The following MYO1E variants were observed in gnomAD, a reference collection of about 807,000 sequenced individuals.
The protein encoded by MYO1E is myosin IE.
MYO1E carries 68 observed loss-of-function variants against 151.1 expected under a neutral mutation model. The ratio of observed to expected loss-of-function variants is 0.45; its 90% confidence interval spans 0.37 to 0.55. The LOEUF is 0.55. MYO1E is among the 20% of genes least tolerant of loss of function. The pLI is 0.00. For synonymous variants in MYO1E, 601 were observed against 501.7 expected (o/e 1.20, Z -2.64); for missense variants, 1,363 against 1,389.3 (o/e 0.98, Z 0.30).
At chr15:59,187,684 T>C (rs2079706855) in intron 18 of MYO1E, among the ~76,000 whole-genome samples, 1 of 152,208 alleles carries the variant, frequency 6.6e-6, no homozygotes. Context: ...CAACTGACGT[T>C]TATCAACTGA....
chr15:59,259,140 C>T (rs114050614), intron 3 of MYO1E, among the ~76,000 whole-genome samples: 1,674 of 152,130 alleles, frequency 0.011, 35 homozygotes, highest in African/African-American at 0.038. Flanking sequence ...GAGACACTGA[C>T]CAAAACTTTA....
intron 1 of MYO1E, among the ~76,000 whole-genome samples, chr15:59,363,909 G>A (rs1236158432): frequency 6.6e-6 from 1 of 152,080 alleles, no homozygotes; most frequent in East Asian, 1.9e-4. Context: ...CGAGTAGCTG[G>A]GATTACAGGT....
intron 17 of MYO1E, among the ~76,000 whole-genome samples, chr15:59,194,161 G>A (rs1015957167): frequency 2.0e-5 from 3 of 150,570 alleles, no homozygotes; most frequent in African/African-American, 4.9e-5. Flanking sequence ...GTGACAGAGC[G>A]AGACTCTTGT....
chr15:59,267,568 G>A (rs1222512257), intron 2 of MYO1E, among the ~76,000 whole-genome samples: 2 of 152,302 alleles, frequency 1.3e-5, no homozygotes, highest in African/African-American at 2.4e-5. Context: ...GAACAACTAC[G>A]CTGCTTTGAA....
chr15:59,259,558 AAAC>A (rs1460184117), intron 3 of MYO1E, among the ~76,000 whole-genome samples: 10 of 152,330 alleles, frequency 6.6e-5, no homozygotes, highest in South Asian at 4.2e-4. Context: ...TCAAGTGCAC[AAAC>A]AACATTAATG....
At chr15:59,185,654 C>T (rs1340989848) in intron 18 of MYO1E, among the ~76,000 whole-genome samples, 4 of 152,232 alleles carry the variant, frequency 2.6e-5, no homozygotes, top group African/African-American at 9.6e-5. Flanking sequence ...GGCAGGAGGA[C>T]TGCTTAAGCC....
chr15:59,307,438 G>A (rs2080521290), intron 1 of MYO1E, among the ~76,000 whole-genome samples: 1 of 152,180 alleles, frequency 6.6e-6, no homozygotes, highest in African/African-American at 2.4e-5. Flanking sequence ...GAAAGGGACA[G>A]AGCAAGAACC....
chr15:59,137,298 T>C lies in MYO1E; in HGVS notation c.*82A>G. The C allele has an allele frequency of 8.0e-7, 1 of 1,245,456 alleles. No homozygotes were observed. The highest frequency in any genetic ancestry group is 2.3e-5 in the East Asian group (1 of 43,080). 77.2% of individuals were successfully genotyped at this position (1,245,456 alleles called of 1,614,324 possible). On this transcript the variant is annotated 3_prime_UTR_variant, in exon 28 of 28. Coordinates refer to ENST00000288235, the MANE Select transcript of MYO1E (RefSeq NM_004998.4). The stretch of plus-strand genomic sequence containing the variant: ...TGGAGAAGCAATTGCTCATTGTGGA[T>C]TGTAAGGGGAGCCCCTAAATATCCC...
chr15:59,166,158 C>T (rs1354023408), intron 22 of MYO1E, among the ~76,000 whole-genome samples: 2 of 152,236 alleles, frequency 1.3e-5, no homozygotes, highest in African/African-American at 4.8e-5. Context: ...CCAAAATCCC[C>T]TCCCTTCAAT....
At chr15:59,284,508 G>C (rs1286923158) in intron 1 of MYO1E, among the ~76,000 whole-genome samples, 9 of 151,580 alleles carry the variant, frequency 5.9e-5, no homozygotes, top group Non-Finnish European at 1.2e-4. Flanking sequence ...GGAGTGCTGT[G>C]GCGCAAACAT....
In MYO1E at chr15:59,309,360, AAAC is replaced by A. The variant is rs765092618; in HGVS notation, c.4-36914_4-36912del. Among the ~76,000 whole-genome samples the A allele has an allele frequency of 6.8e-4, 104 of 152,200 alleles. 1 individual carries two copies. Among genetic ancestry groups the A allele is most frequent in the Admixed American group, 3.9e-4 (6 of 15,282 alleles). ...ACTACAACCCCCAAAAAAGCAACTA[AAAC>A]AACAACAACAACAAACAGGACTTGA... On this transcript the variant is annotated intron_variant, in intron 1 of 27. Coordinates refer to ENST00000288235, the MANE Select transcript of MYO1E (RefSeq NM_004998.4).
At chr15:59,366,202 C>T (rs1240832063) in intron 1 of MYO1E, among the ~76,000 whole-genome samples, 2 of 152,184 alleles carry the variant, frequency 1.3e-5, no homozygotes, top group African/African-American at 4.8e-5. Flanking sequence ...TGGTCTCAAA[C>T]TCCTGACCTC....
chr15:59,192,224 C>A (rs867991900), intron 17 of MYO1E, among the ~76,000 whole-genome samples: 1 of 151,502 alleles, frequency 6.6e-6, no homozygotes, highest in East Asian at 1.9e-4. Flanking sequence ...CCAACTAATA[C>A]CTTGAACTTC....
chr15:59,191,350 G>C (rs927205402), intron 17 of MYO1E, among the ~76,000 whole-genome samples: 1 of 149,338 alleles, frequency 6.7e-6, no homozygotes, highest in Non-Finnish European at 1.5e-5. Context: ...GAGAGAGAGA[G>C]AGAGAGAGAG....
intron 1 of MYO1E, among the ~76,000 whole-genome samples, chr15:59,275,412 C>T (rs767944876): frequency 6.6e-6 from 1 of 151,904 alleles, no homozygotes; most frequent in Non-Finnish European, 1.5e-5. Flanking sequence ...TCTCTTCCGC[C>T]CTCCCTCCCT....
chr15:59,203,979 T>C lies in MYO1E; in HGVS notation c.1616+1421A>G, dbSNP rs554776095. Among the ~76,000 whole-genome samples the C allele has an allele frequency of 2.0e-5, 3 of 152,334 alleles. No individual in the cohort carries two copies. In the East Asian group the frequency reaches 5.8e-4, roughly 29 times the overall value. Reference sequence around the variant, plus strand: ...ACTTGACCAGATACAACTACAGATTTTGACATCAAGTGTGTTTACAAAATA... The same window carrying C: ...ACTTGACCAGATACAACTACAGATTCTGACATCAAGTGTGTTTACAAAATA... On this transcript the variant is annotated intron_variant, in intron 15 of 27. Transcript: ENST00000288235.
Position 59,201,829 on chromosome 15 carries a change from T to G in MYO1E, c.1698+497A>C, listed in dbSNP as rs190443321. On this transcript the variant is annotated intron_variant, in intron 16 of 27. Coordinates refer to ENST00000288235, the MANE Select transcript of MYO1E (RefSeq NM_004998.4). ...ATTTCCTTCAGACTTTGAGACACCA[T>G]GTGGCTAGATGTGTCTTCAATTCAC... Among the ~76,000 whole-genome samples the G allele has an allele frequency of 2.0e-5, 3 of 152,280 alleles. No individual in the cohort carries two copies. In the East Asian group the frequency reaches 5.8e-4, roughly 29 times the overall value.
intron 25 of MYO1E, among the ~76,000 whole-genome samples, chr15:59,156,061 T>A (rs1179644144): frequency 6.6e-6 from 1 of 152,238 alleles, no homozygotes; most frequent in African/African-American, 2.4e-5. Context: ...CTCACTCTGT[T>A]ACTCAGGCTG....
chr15:59,150,107 T>C (rs933926430), intron 26 of MYO1E, among the ~76,000 whole-genome samples: 5 of 152,214 alleles, frequency 3.3e-5, no homozygotes, highest in Admixed American at 6.5e-5. Context: ...TTGCCCAAGG[T>C]ACTATTTTGT....
Sources: gnomAD v4.1 joint callset for allele counts (sites outside exome capture counted in the v4.1 genomes callset) on GRCh38, gnomAD v4.1.1 for gene constraint, MANE v1.5 for transcripts, NCBI Gene and HGNC (gene_info 2026-07-23, HGNC 2026-07-21) for gene names.